Variants in MDGA2 observed in about 807,000 individuals in gnomAD.
MDGA2 encodes MAM domain containing glycosylphosphatidylinositol anchor 2.
In MDGA2, 40 loss-of-function variants were observed where a neutral mutation model predicts 117.8. That is an observed-to-expected ratio of 0.34 (90% CI 0.26 to 0.44). MDGA2 has a LOEUF of 0.44. MDGA2 is among the 20% of genes least tolerant of loss of function. The pLI is 1.00. For missense variants in MDGA2, 1,123 were observed against 1,250.6 expected (o/e 0.90, Z 1.54); for synonymous variants, 452 against 439.0 (o/e 1.03, Z -0.37).
chr14:47,497,405 CA>C (rs1894304171), intron 1 of MDGA2, among the ~76,000 whole-genome samples: 1 of 152,002 alleles, frequency 6.6e-6, no homozygotes, highest in African/African-American at 2.4e-5. Context: ...TACAGGCATG[CA>C]CCACCACGCC....
rs922786138 is a variant in MDGA2, at chr14:47,072,105, G to C, written c.1196-10527C>G. ...AGTTTGTTGGTTGTTGTTGTTTGGG[G>C]GGGGGGGGGTTTGCAGGTATTATAT... On this transcript the variant is annotated intron_variant, in intron 6 of 16. Coordinates refer to ENST00000399232, the MANE Select transcript of MDGA2 (RefSeq NM_001113498.3). Among the ~76,000 whole-genome samples the C allele has an allele frequency of 1.2e-4, 17 of 137,198 alleles. 3 individuals carry two copies. The highest frequency in any genetic ancestry group is 4.9e-4 in the South Asian group (2 of 4,098). 90.0% of individuals were successfully genotyped at this position (137,198 alleles called of 152,430 possible). A position where few individuals can be genotyped will look rare whatever the true frequency, so the allele number is the denominator to read the frequency against.
intron 1 of MDGA2, among the ~76,000 whole-genome samples, chr14:47,424,310 C>A (rs1594850171): frequency 2.6e-5 from 4 of 151,962 alleles, no homozygotes; most frequent in African/African-American, 9.6e-5. Context: ...GTGGTTCCAG[C>A]CATTTGGGAG....
intron 3 of MDGA2, among the ~76,000 whole-genome samples, chr14:47,202,515 C>A (rs1885544461): frequency 6.6e-6 from 1 of 152,146 alleles, no homozygotes; most frequent in African/African-American, 2.4e-5. Flanking sequence ...GAGCTTTTGT[C>A]TCCTATAACC....
chr14:47,451,090 A>C (rs1269652920), intron 1 of MDGA2, among the ~76,000 whole-genome samples: 2 of 152,078 alleles, frequency 1.3e-5, no homozygotes, highest in Non-Finnish European at 2.9e-5. Flanking sequence ...CCACTACTAC[A>C]ACCCTCTGAC....
chr14:47,103,474 C>T (rs1401446084), intron 5 of MDGA2, among the ~76,000 whole-genome samples: 1 of 152,190 alleles, frequency 6.6e-6, no homozygotes, highest in African/African-American at 2.4e-5. Flanking sequence ...TATTGATTGA[C>T]TCTCATGAAG....
intron 2 of MDGA2, among the ~76,000 whole-genome samples, chr14:47,231,369 A>G (rs998763748): frequency 6.6e-6 from 1 of 152,088 alleles, no homozygotes; most frequent in African/African-American, 2.4e-5. Flanking sequence ...CTCAGATCCC[A>G]AAGTAGTACA....
At chr14:47,183,168 A>G (rs763745545) in intron 3 of MDGA2, among the ~76,000 whole-genome samples, 1 of 151,992 alleles carries the variant, frequency 6.6e-6, no homozygotes, top group Non-Finnish European at 1.5e-5. Context: ...ATCATCATCT[A>G]TCTAATTTAC....
chr14:47,109,206 C>G (rs887778956), intron 5 of MDGA2, among the ~76,000 whole-genome samples: 29 of 152,190 alleles, frequency 1.9e-4, no homozygotes, highest in African/African-American at 6.8e-4. Context: ...AAGCACAGTA[C>G]TAGACTGTAA....
intron 1 of MDGA2, among the ~76,000 whole-genome samples, chr14:47,553,227 G>A (rs752332111): frequency 1.3e-5 from 2 of 152,206 alleles, no homozygotes; most frequent in Non-Finnish European, 2.9e-5. Flanking sequence ...CCGCTAGAAT[G>A]TGAACTTTCT....
chr14:47,573,670 T>TA (rs1390314694), intron 1 of MDGA2, among the ~76,000 whole-genome samples: 1 of 152,222 alleles, frequency 6.6e-6, no homozygotes, highest in African/African-American at 2.4e-5. Context: ...TAAATGTCTA[T>TA]ATAACATGCA....
intron 2 of MDGA2, among the ~76,000 whole-genome samples, chr14:47,246,064 C>T (rs1887227903): frequency 6.6e-6 from 1 of 151,836 alleles, no homozygotes; most frequent in African/African-American, 2.4e-5. Flanking sequence ...CCAGTTTTCT[C>T]CAAGCTCACT....
chr14:47,380,804 C>T (rs1307187221), intron 1 of MDGA2, among the ~76,000 whole-genome samples: 4 of 151,946 alleles, frequency 2.6e-5, no homozygotes, highest in African/African-American at 9.7e-5. Flanking sequence ...TGGCACCATT[C>T]CTTCTGAAAC....
chr14:47,107,663 C>T (rs2139038574), intron 5 of MDGA2, among the ~76,000 whole-genome samples: 1 of 151,340 alleles, frequency 6.6e-6, no homozygotes, highest in East Asian at 1.9e-4. Flanking sequence ...CCGATCGTGT[C>T]CGACTGATCT....
chr14:47,391,683 TA>T (rs1234594172), intron 1 of MDGA2, among the ~76,000 whole-genome samples: 8 of 152,180 alleles, frequency 5.3e-5, no homozygotes. Flanking sequence ...TGATCATCTC[TA>T]AAAGTCATTC....
chr14:47,199,630 A>G (rs1885416460), intron 3 of MDGA2, among the ~76,000 whole-genome samples: 1 of 152,200 alleles, frequency 6.6e-6, no homozygotes, highest in Non-Finnish European at 1.5e-5. Flanking sequence ...TACTACATTG[A>G]TATCATACTC....
intron 5 of MDGA2, among the ~76,000 whole-genome samples, chr14:47,099,365 G>A (rs556389426): frequency 4.6e-5 from 7 of 151,884 alleles, no homozygotes; most frequent in East Asian, 1.9e-4. Flanking sequence ...AAATCATGTC[G>A]TTGAGTAAAA....
chr14:47,338,336 C>A (rs1031569970), intron 1 of MDGA2, among the ~76,000 whole-genome samples: 2 of 151,542 alleles, frequency 1.3e-5, no homozygotes. Context: ...TATTATGCCA[C>A]GGGAGAGAAG....
In MDGA2 at chr14:47,128,732, T is replaced by TC. The variant is rs1402368351; in HGVS notation, c.925+2981dup. On this transcript the variant is annotated intron_variant, in intron 5 of 16. Transcript: ENST00000399232. Reference sequence around the variant, plus strand: ...TTTTTTTTGAGACAGTCTCTCACTGTCACCCAGGCTGGAGTGCAGTGGCGC... The same window carrying TC: ...TTTTTTTTGAGACAGTCTCTCACTGTCCACCCAGGCTGGAGTGCAGTGGCGC... 2.6e-5 allele frequency among the ~76,000 whole-genome samples: 4 copies of TC among 151,368 alleles called. No homozygotes were observed. In the East Asian group the frequency reaches 7.8e-4, roughly 30 times the overall value.
chr14:47,476,800 T>C (rs1893850808), intron 1 of MDGA2, among the ~76,000 whole-genome samples: 1 of 152,218 alleles, frequency 6.6e-6, no homozygotes, highest in Admixed American at 6.5e-5. Flanking sequence ...AATCTAGCAC[T>C]GAAAGCCAGT....
Sources: gnomAD v4.1 joint callset for allele counts (sites outside exome capture counted in the v4.1 genomes callset) on GRCh38, gnomAD v4.1.1 for gene constraint, MANE v1.5 for transcripts, NCBI Gene and HGNC (gene_info 2026-07-23, HGNC 2026-07-21) for gene names.